Variants in TFPT observed in about 807,000 individuals in gnomAD.
TFPT encodes the protein INO80 complex subunit F.
Under a neutral mutation model 28.8 loss-of-function variants are expected in TFPT, and 27 were observed. That is an observed-to-expected ratio of 0.94 (90% CI 0.69 to 1.29). The LOEUF is 1.29. TFPT is among the 50% of genes most tolerant of loss of function. The pLI is 0.00. For missense variants in TFPT, 330 were observed against 338.0 expected (o/e 0.98, Z 0.19); for synonymous variants, 152 against 142.8 (o/e 1.06, Z -0.46).
chr19:54,108,690 A>G, intron 3 of TFPT: 4 of 1,180,368 alleles, frequency 3.4e-6, no homozygotes, highest in Middle Eastern at 2.4e-4. Flanking sequence ...CGATTTCTGT[A>G]CTTAATGTGA....
At chr19:54,111,497 T>TAAAAAAAA (rs11304668) in intron 2 of TFPT, among the ~76,000 whole-genome samples, 1 of 111,092 alleles carries the variant, frequency 9.0e-6, no homozygotes, top group Non-Finnish European at 1.9e-5. Flanking sequence ...TCATCTCTAC[T>TAAAAAAAA]AAAAAAAAAA....
chr19:54,108,424 A>G, intron 3 of TFPT, 29 bp from the exon 4 acceptor site: 1 of 1,614,084 alleles, frequency 6.2e-7, no homozygotes, highest in East Asian at 2.2e-5. Context: ...CACCAACGGA[A>G]TAACTTATCT....
At position 54,112,299 on chromosome 19, in the gene TFPT, C is replaced by T. The variant is rs368064722; in HGVS notation, c.282+2143G>A. ...AGATCTGCCACTGCTGAGCTCTGAG[C>T]TTGGGTGCATTACTTAACCTCTCTG... On this transcript the variant is annotated intron_variant, in intron 2 of 5. Coordinates refer to ENST00000391759, the MANE Select transcript of TFPT (RefSeq NM_013342.4). Among the ~76,000 whole-genome samples, 36 of 151,244 alleles carry T rather than the reference C, an allele frequency of 2.4e-4. No individual in the cohort carries two copies. In the East Asian group the frequency reaches 5.1e-3, roughly 21 times the overall value.
chr19:54,115,312 T>G lies in TFPT; in HGVS notation c.-43A>C. On this transcript the variant is annotated 5_prime_UTR_variant, in exon 1 of 6. Coordinates refer to ENST00000391759, the MANE Select transcript of TFPT (RefSeq NM_013342.4). ...GCCCCGGGCCTCAGAGCTTCCGACC[T>G]CTTCAATCTGTAGGTTAAGCCGTTC... is the stretch of plus-strand genomic sequence containing the variant. 1 of 1,613,744 alleles carries G rather than the reference T, an allele frequency of 6.2e-7. No homozygotes were observed. Among genetic ancestry groups the G allele is most frequent in the South Asian group, 1.1e-5 (1 of 91,088 alleles).
intron 5 of TFPT, chr19:54,107,407 G>A (rs2073302157): frequency 1.8e-6 from 1 of 544,030 alleles, no homozygotes. Context: ...TGCCAACCAA[G>A]CCTAACATGT....
At chr19:54,112,931 A>G (rs1445415853) in intron 2 of TFPT, among the ~76,000 whole-genome samples, 7 of 151,946 alleles carry the variant, frequency 4.6e-5, no homozygotes, top group African/African-American at 1.7e-4. Flanking sequence ...TGTCTCTACT[A>G]AAAATAGAAA....
At chr19:54,107,950 G>C in intron 5 of TFPT, 76 bp downstream of exon 5, 1 of 1,439,724 alleles carries the variant, frequency 6.9e-7, no homozygotes, top group Non-Finnish European at 9.3e-7. Context: ...CCCTCCCCTT[G>C]AGTCCCCCCT....
chr19:54,109,862 T>TTCCACCCGGCCCTCCCTCAGTCCCAGC (rs2073398203), intron 3 of TFPT, among the ~76,000 whole-genome samples, 189 bp downstream of exon 3: 12 of 36,136 alleles, frequency 3.3e-4, no homozygotes, highest in Non-Finnish European at 2.7e-4. Flanking sequence ...TCAGTCCCAG[T>TTCCACCCGGCCCTCCCTCAGTCCCAGC]GCTCAGCCCT....
intron 2 of TFPT, among the ~76,000 whole-genome samples, chr19:54,111,435 CAA>C (rs1292093165): frequency 6.7e-6 from 1 of 148,688 alleles, no homozygotes; most frequent in East Asian, 2.0e-4. Context: ...CTCAGCTACT[CAA>C]GAGTTTGAGG....
At chr19:54,108,777 C>CTGTA in intron 3 of TFPT, 1 of 648,382 alleles carries the variant, frequency 1.5e-6, no homozygotes, top group Non-Finnish European at 2.6e-6. Context: ...ACAGAACGCT[C>CTGTA]CTCCTAATGA....
chr19:54,108,128 G>A lies in TFPT; in HGVS notation c.540C>T (p.Ser180=), dbSNP rs587713670. 2 of 1,581,026 alleles carry A rather than the reference G, an allele frequency of 1.3e-6. No homozygotes were observed. The highest frequency in any genetic ancestry group is 2.3e-5 in the South Asian group (2 of 86,584). ...CACTGGGCCCCTCACCGGGGGCTGG[G>A]CTGCCGGGTTCTGGGGGTGCAGGAG... ...RRTPAPPEPG[S]PAPGEGPSGR... is the part of the protein sequence containing the mutation. Residue 180 remains serine, a synonymous_variant, in exon 5 of 6, where the codon AGC becomes AGT. Coordinates refer to ENST00000391759, the MANE Select transcript of TFPT (RefSeq NM_013342.4).
chr19:54,115,318 A>T lies in TFPT; in HGVS notation c.-49T>A. 2 of 1,613,386 alleles carry T rather than the reference A, an allele frequency of 1.2e-6. No homozygotes were observed. Among genetic ancestry groups the T allele is most frequent in the Non-Finnish European group, 1.7e-6 (2 of 1,179,924 alleles). ...GGCCTCAGAGCTTCCGACCTCTTCA[A>T]TCTGTAGGTTAAGCCGTTCGCAAAA... is the stretch of plus-strand genomic sequence containing the variant. On this transcript the variant is annotated 5_prime_UTR_variant, in exon 1 of 6. The change creates a new upstream start codon in the 5' untranslated region. Coordinates refer to ENST00000391759, the MANE Select transcript of TFPT (RefSeq NM_013342.4).
chr19:54,107,161 A>G lies in TFPT; in HGVS notation c.651T>C (p.Val217=). Residue 217 remains valine, a synonymous_variant, in exon 6 of 6, where the codon GTT becomes GTC. Transcript: ENST00000391759. ...CTGCTTCAAAGCCAAAGTCTTCCTCAACCTTAATCTGCAGGAGATAAGGAA... is the reference window on the plus strand; with the variant it reads ...CTGCTTCAAAGCCAAAGTCTTCCTCGACCTTAATCTGCAGGAGATAAGGAA... ...TPELAPVQIK[V]EEDFGFEADE... 6.2e-7 allele frequency: 1 copy of G among 1,613,394 alleles called. No homozygotes were observed. The highest frequency in any genetic ancestry group is 8.5e-7 in the Non-Finnish European group (1 of 1,179,818).
intron 3 of TFPT, chr19:54,108,807 C>A (rs1355179012): frequency 1.8e-6 from 1 of 542,536 alleles, no homozygotes; most frequent in Non-Finnish European, 3.2e-6. Flanking sequence ...TTATAAACAC[C>A]CCCTTCTCTT....
chr19:54,109,657 T>C (rs1453469172), intron 3 of TFPT, among the ~76,000 whole-genome samples: 2 of 152,134 alleles, frequency 1.3e-5, no homozygotes, highest in African/African-American at 4.8e-5. Context: ...GGTGCTGCCC[T>C]TAGTTGATAG....
chr19:54,110,322 G>A (rs953703228), intron 2 of TFPT, among the ~76,000 whole-genome samples: 6 of 151,986 alleles, frequency 3.9e-5, no homozygotes, highest in African/African-American at 1.2e-4. Flanking sequence ...GGCCTTCCGC[G>A]TGCTGTTCCT....
At chr19:54,109,784 G>T (rs1333572644) in intron 3 of TFPT, among the ~76,000 whole-genome samples, 1 of 28,046 alleles carries the variant, frequency 3.6e-5, no homozygotes, top group Non-Finnish European at 8.2e-5. Flanking sequence ...CCTCCCTTCA[G>T]GGGGAGGATG....
Position 54,115,336 on chromosome 19 carries a change from T to C in TFPT, c.-67A>G. 1 of 1,610,518 alleles carries C rather than the reference T, an allele frequency of 6.2e-7. No homozygotes were observed. Among genetic ancestry groups the C allele is most frequent in the South Asian group, 1.1e-5 (1 of 91,036 alleles). ...CTCTTCAATCTGTAGGTTAAGCCGT[T>C]CGCAAAACTACTTGTCCCATCAGGC... On this transcript the variant is annotated 5_prime_UTR_variant, in exon 1 of 6. Coordinates refer to ENST00000391759, the MANE Select transcript of TFPT (RefSeq NM_013342.4).
At chr19:54,114,350 A>G in intron 2 of TFPT, 92 bp downstream of exon 2, 1 of 1,518,980 alleles carries the variant, frequency 6.6e-7, no homozygotes, top group South Asian at 1.3e-5. Context: ...TCAGCAAGCC[A>G]AGAAAGGCTG....
Sources: gnomAD v4.1 joint callset for allele counts (sites outside exome capture counted in the v4.1 genomes callset) on GRCh38, gnomAD v4.1.1 for gene constraint, MANE v1.5 for transcripts, NCBI Gene and HGNC (gene_info 2026-07-23, HGNC 2026-07-21) for gene names.